THSD7A: variants seen among roughly 807,000 people sequenced by gnomAD.
THSD7A encodes thrombospondin type 1 domain containing 7A.
Under a neutral mutation model 231.3 loss-of-function variants are expected in THSD7A, and 96 were observed. The observed-to-expected ratio is 0.41, with a 90% CI of 0.35 to 0.49. The LOEUF is 0.49. THSD7A is among the 20% of genes least tolerant of loss of function. The pLI, the probability that THSD7A is intolerant of heterozygous loss-of-function variation, is 0.05. For missense variants in THSD7A, 2,290 were observed against 2,070.2 expected (o/e 1.11, Z -2.06); for synonymous variants, 940 against 743.3 (o/e 1.26, Z -4.30).
At chr7:11,800,944 T>C (rs535135348) in intron 1 of THSD7A, among the ~76,000 whole-genome samples, 2 of 152,086 alleles carry the variant, frequency 1.3e-5, no homozygotes, top group African/African-American at 4.8e-5. Flanking sequence ...AGGTGCTGAA[T>C]ATATTTTGCA....
chr7:11,589,435 G>A (rs62434531), intron 4 of THSD7A, among the ~76,000 whole-genome samples: 230 of 152,106 alleles, frequency 1.5e-3, no homozygotes, highest in Non-Finnish European at 2.4e-3. Context: ...TGTCTCTGTC[G>A]TCATTGAGCT....
At position 11,636,411 on chromosome 7, in the gene THSD7A, C is replaced by A; in HGVS notation, c.741G>T (p.Glu247Asp). ...EFQVCQSSPC[E>D]AEELRYSLHV... ...GCAGGCTGTACCTGAGCTCCTCGGC[C>A]TCGCATGGACTGGATTGGCACACCT... Residue 247 changes from glutamate to aspartate, a missense_variant, in exon 2 of 28, where the codon GAG becomes GAT. Coordinates refer to ENST00000423059, the MANE Select transcript of THSD7A (RefSeq NM_015204.3). The surrounding 1 kb of genome is among the most constrained non-coding windows in gnomAD (Gnocchi z 10.0). The A allele has an allele frequency of 6.2e-7, 1 of 1,613,754 alleles. No individual in the cohort carries two copies. Among genetic ancestry groups the A allele is most frequent in the Non-Finnish European group, 8.5e-7 (1 of 1,179,884 alleles).
At chr7:11,650,769 G>T (rs1469714446) in intron 1 of THSD7A, among the ~76,000 whole-genome samples, 2 of 152,072 alleles carry the variant, frequency 1.3e-5, no homozygotes, top group African/African-American at 4.8e-5. Flanking sequence ...AAATAGCACA[G>T]AAGTAGCATC....
chr7:11,820,502 G>T, intron 1 of THSD7A: 1 of 902,680 alleles, frequency 1.1e-6, no homozygotes, highest in South Asian at 1.9e-5. Context: ...TCTTGCTTTT[G>T]GGTGTGTAAT....
chr7:11,819,807 C>T (rs941913737), intron 1 of THSD7A, among the ~76,000 whole-genome samples: 1 of 152,060 alleles, frequency 6.6e-6, no homozygotes, highest in African/African-American at 2.4e-5. Flanking sequence ...CTAATGTAAA[C>T]CATGGACGTT....
chr7:11,563,750 C>A (rs1363383762), intron 4 of THSD7A, among the ~76,000 whole-genome samples: 2 of 152,116 alleles, frequency 1.3e-5, no homozygotes, highest in Admixed American at 1.3e-4. Context: ...TACTTGAGTT[C>A]ATTTTCTATA....
intron 5 of THSD7A, among the ~76,000 whole-genome samples, chr7:11,542,270 G>C (rs1007321345): frequency 6.6e-6 from 1 of 152,134 alleles, no homozygotes; most frequent in African/African-American, 2.4e-5. Context: ...CCCTTCATGA[G>C]AGTGTGTAAC....
At chr7:11,459,276 G>T (rs1413361941) in intron 11 of THSD7A, among the ~76,000 whole-genome samples, 1 of 152,052 alleles carries the variant, frequency 6.6e-6, no homozygotes, top group East Asian at 1.9e-4. Context: ...TAAAAGAATG[G>T]AGACTAAAAC....
At chr7:11,427,620 T>C (rs1234267551) in intron 14 of THSD7A, among the ~76,000 whole-genome samples, 1 of 152,134 alleles carries the variant, frequency 6.6e-6, no homozygotes, top group Non-Finnish European at 1.5e-5. Context: ...TAGGTATGAG[T>C]ATGTGTAGAA....
chr7:11,490,537 C>T (rs938222813), intron 6 of THSD7A, among the ~76,000 whole-genome samples: 9 of 152,048 alleles, frequency 5.9e-5, no homozygotes, highest in African/African-American at 2.2e-4. Flanking sequence ...TGCCAACTAT[C>T]ATGGTACATG....
intron 23 of THSD7A, among the ~76,000 whole-genome samples, chr7:11,396,930 A>G (rs1175981507): frequency 6.6e-6 from 1 of 152,190 alleles, no homozygotes; most frequent in Non-Finnish European, 1.5e-5. Flanking sequence ...AAGCTTATCC[A>G]CCATGATCAA....
At chr7:11,519,039 G>T (rs1788153092) in intron 6 of THSD7A, among the ~76,000 whole-genome samples, 1 of 152,030 alleles carries the variant, frequency 6.6e-6, no homozygotes, top group South Asian at 2.1e-4. Context: ...TTGGAGTTCG[G>T]CATATCTGAA....
chr7:11,673,247 G>A (rs1170602521), intron 1 of THSD7A, among the ~76,000 whole-genome samples: 3 of 152,046 alleles, frequency 2.0e-5, no homozygotes, highest in Admixed American at 6.6e-5. Context: ...TTGCTGTTGT[G>A]GACACCTGAT....
At chr7:11,457,515 C>T (rs1318507752) in intron 11 of THSD7A, among the ~76,000 whole-genome samples, 1 of 152,018 alleles carries the variant, frequency 6.6e-6, no homozygotes, top group African/African-American at 2.4e-5. Flanking sequence ...TCTATGACTT[C>T]AACCTTGCAC....
intron 6 of THSD7A, among the ~76,000 whole-genome samples, chr7:11,539,066 T>C (rs1789033872): frequency 6.6e-6 from 1 of 152,170 alleles, no homozygotes; most frequent in African/African-American, 2.4e-5. Context: ...ACAAAATGTA[T>C]AGCTGCAGCC....
At chr7:11,487,618 G>A (rs1355446958) in intron 6 of THSD7A, among the ~76,000 whole-genome samples, 1 of 152,124 alleles carries the variant, frequency 6.6e-6, no homozygotes, top group Non-Finnish European at 1.5e-5. Flanking sequence ...TGGACTTACA[G>A]TTCCACATGG....
chr7:11,487,963 T>G (rs1786730270), intron 6 of THSD7A, among the ~76,000 whole-genome samples: 1 of 152,188 alleles, frequency 6.6e-6, no homozygotes, highest in African/African-American at 2.4e-5. Context: ...TGTGCAACTT[T>G]TATGGTTGAT....
chr7:11,471,481 T>C (rs1169309687), intron 8 of THSD7A, among the ~76,000 whole-genome samples: 1 of 152,044 alleles, frequency 6.6e-6, no homozygotes, highest in Non-Finnish European at 1.5e-5. Context: ...TTGACATATC[T>C]TGTATTATAA....
intron 6 of THSD7A, among the ~76,000 whole-genome samples, chr7:11,489,787 C>T (rs577647186): frequency 6.6e-6 from 1 of 152,174 alleles, no homozygotes; most frequent in Non-Finnish European, 1.5e-5. Flanking sequence ...TTTTAATAAT[C>T]TCAAATACAC....
Sources: gnomAD v4.1 joint callset for allele counts (sites outside exome capture counted in the v4.1 genomes callset) on GRCh38, gnomAD v4.1.1 for gene constraint, Gnocchi (gnomAD v3.1) non-coding constraint, MANE v1.5 for transcripts, NCBI Gene and HGNC (gene_info 2026-07-23, HGNC 2026-07-21) for gene names.